AP3M2: variants seen among roughly 807,000 people sequenced by gnomAD.
AP3M2 encodes adaptor related protein complex 3 subunit mu 2.
AP3M2 carries 28 observed loss-of-function variants against 41.6 expected under a neutral mutation model. The ratio of observed to expected loss-of-function variants is 0.67; its 90% CI spans 0.50 to 0.92. AP3M2 has a LOEUF of 0.92. AP3M2 is among the 40% of genes least tolerant of loss of function. The probability of loss-of-function intolerance (pLI) is 0.00; values close to 1 mark genes in which losing one functional copy is unlikely to be tolerated. For synonymous variants in AP3M2, 193 were observed against 186.4 expected (o/e 1.04, Z -0.29); for missense variants, 427 against 521.4 (o/e 0.82, Z 1.76).
intron 4 of AP3M2, 120 bp from the exon 5 acceptor site, chr8:42,164,951 G>A: frequency 5.2e-6 from 4 of 763,094 alleles, no homozygotes; most frequent in Non-Finnish European, 8.2e-6. Flanking sequence ...AGAGAGGAAG[G>A]GGAGGGAGAG....
intron 1 of AP3M2, 26 bp downstream of exon 1, chr8:42,153,131 C>T (rs1804251834): frequency 6.7e-6 from 1 of 148,986 alleles, no homozygotes; most frequent in Admixed American, 6.6e-5. Context: ...GACCCCGAGC[C>T]TGGAGAGGGG....
intron 6 of AP3M2, 106 bp downstream of exon 6, chr8:42,165,666 A>G (rs1367713293): frequency 5.7e-6 from 8 of 1,398,590 alleles, no homozygotes; most frequent in Non-Finnish European, 7.8e-6. Flanking sequence ...CTGGGTTCAC[A>G]TTCCAGCTTC....
chr8:42,167,571 G>A (rs1804674715), intron 7 of AP3M2, 95 bp from the exon 8 acceptor site: 1 of 1,475,456 alleles, frequency 6.8e-7, no homozygotes, highest in East Asian at 2.3e-5. Context: ...TTGTGGACAG[G>A]TGCCCTGAGT....
chr8:42,157,973 C>G lies in AP3M2; in HGVS notation c.306C>G (p.Ile102Met), dbSNP rs1183723705. 6.2e-7 allele frequency: 1 copy of G among 1,614,040 alleles called. No homozygotes were observed. The highest frequency in any genetic ancestry group is 8.5e-7 in the Non-Finnish European group (1 of 1,179,966). ...TTGGAGTCTGTTCAGAGCCAGTGATCAAAGACAATGTAGTTGTGGTTTATG... is the reference window on the plus strand; with the variant it reads ...TTGGAGTCTGTTCAGAGCCAGTGATGAAAGACAATGTAGTTGTGGTTTATG... ...DYFGVCSEPV[I>M]KDNVVVVYEV... The change falls in exon 3 of 9, where the codon ATC becomes ATG. Residue 102 changes from isoleucine (I) to methionine (M), a missense_variant. Transcript: ENST00000396926.
chr8:42,162,979 A>G (rs1480246290), intron 4 of AP3M2, among the ~76,000 whole-genome samples: 1 of 150,828 alleles, frequency 6.6e-6, no homozygotes, highest in Non-Finnish European at 1.5e-5. Flanking sequence ...AAAGTAACAA[A>G]TTAATTTCTT....
At position 42,167,227 on chromosome 8, in the gene AP3M2, A is replaced by G. The variant is rs1329697709; in HGVS notation, c.867A>G (p.Gly289=). Reference sequence around the variant, plus strand: ...GTTTCCGGGACAGTAGTTCCCTTGGACGCTTTGAAATAACGGTGGGACCCA... The same window carrying G: ...GTTTCCGGGACAGTAGTTCCCTTGGGCGCTTTGAAATAACGGTGGGACCCA... ...NISFRDSSSL[G]RFEITVGPKQ... is the part of the protein sequence containing the mutation. Residue 289 remains glycine, a synonymous_variant, in exon 7 of 9, where the codon GGA becomes GGG. Coordinates refer to ENST00000396926, the MANE Select transcript of AP3M2 (RefSeq NM_006803.4). 1.9e-6 allele frequency: 3 copies of G among 1,613,982 alleles called. No homozygotes were observed. Among genetic ancestry groups the G allele is most frequent in the Non-Finnish European group, 2.5e-6 (3 of 1,180,014 alleles).
At chr8:42,164,949 A>C (rs1587917150) in intron 4 of AP3M2, 122 bp from the exon 5 acceptor site, 1 of 737,402 alleles carries the variant, frequency 1.4e-6, no homozygotes, top group Non-Finnish European at 2.1e-6. Context: ...AGAGAGAGGA[A>C]GGGGAGGGAG....
intron 3 of AP3M2, 67 bp downstream of exon 3, chr8:42,158,179 G>A (rs184287906): frequency 2.2e-5 from 34 of 1,516,032 alleles, no homozygotes; most frequent in Admixed American, 2.1e-4. Context: ...GTCGAGTGTC[G>A]CACATTGTTT....
intron 3 of AP3M2, among the ~76,000 whole-genome samples, chr8:42,161,465 C>T (rs999137795): frequency 1.3e-5 from 2 of 151,888 alleles, no homozygotes; most frequent in African/African-American, 4.8e-5. Flanking sequence ...AAAAATTAGC[C>T]GGATGTGGTG....
At chr8:42,163,573 G>A (rs781251744) in intron 4 of AP3M2, among the ~76,000 whole-genome samples, 1 of 152,232 alleles carries the variant, frequency 6.6e-6, no homozygotes, top group African/African-American at 2.4e-5. Context: ...AAGTTATTAA[G>A]ATGTGTGGAT....
Position 42,154,780 on chromosome 8 carries a change from C to T in AP3M2, c.93C>T (p.Tyr31=), listed in dbSNP as rs771006544. 1.9e-6 allele frequency: 3 copies of T among 1,614,034 alleles called. No homozygotes were observed. Among genetic ancestry groups the T allele is most frequent in the South Asian group, 1.1e-5 (1 of 91,086 alleles). ...KSVVSRSVCD[Y]FFEAQERATE... is the part of the protein sequence containing the mutation. ...TGGTCAGCCGTTCTGTTTGTGATTA[C>T]TTTTTTGAGGCGCAAGAGAGAGCTA... Residue 31 remains tyrosine, a synonymous_variant, in exon 2 of 9, where the codon TAC becomes TAT. Transcript: ENST00000396926.
In AP3M2 at chr8:42,162,501, C is replaced by G. The variant is rs78740426; in HGVS notation, c.583+83C>G. 3,927 of 1,482,346 alleles carry G rather than the reference C, an allele frequency of 2.6e-3. 99 individuals are homozygous for G. In the African/African-American group the frequency reaches 0.05, roughly 19 times the overall value. The allele number at this position is 1,482,346 out of a possible 1,614,324, so 91.8% of individuals were successfully genotyped here. On this transcript the variant is annotated intron_variant, in intron 4 of 8. Coordinates refer to ENST00000396926, the MANE Select transcript of AP3M2 (RefSeq NM_006803.4). ...TAATGCTTGTAGTTTCAGAATTAAC[C>G]CCCATTCAAGGTCATCCACTTCAAT...
intron 1 of AP3M2, 21 bp downstream of exon 1, chr8:42,153,126 C>A (rs1388128630): frequency 1.3e-5 from 2 of 149,988 alleles, no homozygotes; most frequent in Non-Finnish European, 3.0e-5. Context: ...GGGACGACCC[C>A]GAGCCTGGAG....
Position 42,154,764 on chromosome 8 carries a change from G to A in AP3M2, c.77G>A (p.Arg26His), listed in dbSNP as rs777884964. ...LEKHWKSVVSRSVCDYFFEAQ... is the reference protein window; with the variant it reads ...LEKHWKSVVSHSVCDYFFEAQ... ...AAACATTGGAAAAGTGTGGTCAGCC[G>A]TTCTGTTTGTGATTACTTTTTTGAG... Residue 26 changes from arginine (R) to histidine (H), a missense_variant, in exon 2 of 9, where the codon CGT becomes CAT. This residue lies in a region of AP3M2 where 104 missense variants were observed against 93.8 expected (regional missense o/e 1.11). Transcript: ENST00000396926. The A allele has an allele frequency of 1.7e-5, 27 of 1,614,138 alleles. No homozygotes were observed. Among genetic ancestry groups the A allele is most frequent in the South Asian group, 5.5e-5 (5 of 91,076 alleles).
At chr8:42,166,863 A>G in intron 6 of AP3M2, 1 of 337,098 alleles carries the variant, frequency 3.0e-6, no homozygotes. Flanking sequence ...AGTTAAAAAC[A>G]TGGAGACATA....
intron 5 of AP3M2, 116 bp from the exon 6 acceptor site, chr8:42,165,311 T>G: frequency 7.0e-7 from 1 of 1,434,152 alleles, no homozygotes; most frequent in Non-Finnish European, 9.6e-7. Flanking sequence ...ACTACATGAT[T>G]TCTGTGTGTG....
Position 42,154,956 on chromosome 8 carries a change from T to C in AP3M2, c.269T>C (p.Phe90Ser), listed in dbSNP as rs1804317921. 1 of 1,612,734 alleles carries C rather than the reference T, an allele frequency of 6.2e-7. No individual in the cohort carries two copies. The highest frequency in any genetic ancestry group is 8.5e-7 in the Non-Finnish European group (1 of 1,178,956). Residue 90 changes from phenylalanine to serine, a missense_variant, in exon 2 of 9, where the codon TTT becomes TCT. Around this residue, in one of 3 missense-constraint regions of AP3M2, gnomAD observed 86 missense variants for 142.6 expected, o/e 0.60. Coordinates refer to ENST00000396926, the MANE Select transcript of AP3M2 (RefSeq NM_006803.4). ...TTTCTTCACCGAGTGGTGGACACAT[T>C]TCAGGTTCGTGAATGTGGGAAAGTT... ...IEFLHRVVDTFQDYFGVCSEP... is the reference protein window; with the variant it reads ...IEFLHRVVDTSQDYFGVCSEP...
chr8:42,157,741 G>A (rs1228017328), intron 2 of AP3M2, among the ~76,000 whole-genome samples, 200 bp from the exon 3 acceptor site: 1 of 152,214 alleles, frequency 6.6e-6, no homozygotes, highest in East Asian at 1.9e-4. Flanking sequence ...AATGACAGTA[G>A]TACCATAAGC....
chr8:42,154,523 G>A, intron 1 of AP3M2, 93 bp from the exon 2 acceptor site: 1 of 975,886 alleles, frequency 1.0e-6, no homozygotes. Context: ...ATTGGGCCTG[G>A]TCTTGAAAGA....
Sources: allele counts gnomAD v4.1 joint callset (sites outside exome capture counted in the v4.1 genomes callset), GRCh38; gene constraint gnomAD v4.1.1; regional missense constraint gnomAD v4.1.1; transcripts MANE v1.5; gene names NCBI Gene and HGNC (gene_info 2026-07-23, HGNC 2026-07-21).